NCEH1: variants seen among roughly 807,000 people sequenced by gnomAD.
NCEH1 encodes the protein 2-acetyl MAGE hydrolase.
In NCEH1, 9 loss-of-function variants were observed where a neutral mutation model predicts 25.4. The ratio of observed to expected loss-of-function variants is 0.35; its 90% CI spans 0.21 to 0.62. The LOEUF (loss-of-function observed/expected upper bound fraction) is 0.62, where lower values mean the gene tolerates loss of function less well. NCEH1 is among the 20% of genes least tolerant of loss of function. The pLI, the probability that NCEH1 is intolerant of heterozygous loss-of-function variation, is 0.72. For synonymous variants in NCEH1, 200 were observed against 199.8 expected (o/e 1.00, Z -0.01); for missense variants, 412 against 501.1 (o/e 0.82, Z 1.70).
chr3:172,649,054 T>C (rs1260912923), intron 1 of NCEH1, among the ~76,000 whole-genome samples: 1 of 152,140 alleles, frequency 6.6e-6, no homozygotes, highest in East Asian at 1.9e-4. Flanking sequence ...AAATCAGGAC[T>C]ATATGATGTC....
rs114899822 is a variant in NCEH1, at chr3:172,672,066, G to A, written c.139-23952C>T. ...CAAATTCTACTCCTGCAAGCTCCAC[G>A]GTAAGTGCCTTACACAGGGGTAGCA... On this transcript the variant is annotated intron_variant, in intron 1 of 4. Coordinates refer to ENST00000475381, the MANE Select transcript of NCEH1 (RefSeq NM_020792.6). Among the ~76,000 whole-genome samples the A allele has an allele frequency of 3.6e-3, 541 of 152,176 alleles. 4 individuals are homozygous for A. The highest frequency in any genetic ancestry group is 0.013 in the African/African-American group (523 of 41,506).
chr3:172,684,534 G>C (rs1004484405), intron 1 of NCEH1, among the ~76,000 whole-genome samples: 2 of 152,072 alleles, frequency 1.3e-5, no homozygotes, highest in African/African-American at 2.4e-5. Flanking sequence ...CAATTCCTCA[G>C]GACAGTTAAT....
intron 1 of NCEH1, among the ~76,000 whole-genome samples, chr3:172,683,284 T>C (rs528620490): frequency 8.7e-6 from 1 of 115,212 alleles, no homozygotes; most frequent in African/African-American, 3.6e-5. Flanking sequence ...GCGCCTGTAG[T>C]CCCAGCTACT....
chr3:172,640,624 C>T (rs1229828096), intron 3 of NCEH1, among the ~76,000 whole-genome samples: 1 of 152,190 alleles, frequency 6.6e-6, no homozygotes, highest in Non-Finnish European at 1.5e-5. Context: ...TCTCCTGCCT[C>T]AGCCTCCAGA....
intron 1 of NCEH1, among the ~76,000 whole-genome samples, chr3:172,693,489 A>G (rs902428596): frequency 7.2e-5 from 11 of 151,884 alleles, no homozygotes; most frequent in African/African-American, 2.7e-4. Flanking sequence ...GGGGGTGGTT[A>G]GAGTTGGGGA....
chr3:172,667,780 C>G (rs974035646), intron 1 of NCEH1, among the ~76,000 whole-genome samples: 4 of 152,160 alleles, frequency 2.6e-5, no homozygotes, highest in Admixed American at 2.0e-4. Flanking sequence ...ACTTCCTTAA[C>G]CTAAGGACTT....
At chr3:172,674,603 T>G (rs1386460543) in intron 1 of NCEH1, among the ~76,000 whole-genome samples, 1 of 152,154 alleles carries the variant, frequency 6.6e-6, no homozygotes, top group Non-Finnish European at 1.5e-5. Flanking sequence ...AAATTTTAAT[T>G]ATACATGGGA....
At position 172,647,898 on chromosome 3, in the gene NCEH1, A is replaced by C. The variant is rs753795980; in HGVS notation, c.355T>G (p.Leu119Val). 1 of 1,614,190 alleles carries C rather than the reference A, an allele frequency of 6.2e-7. No individual in the cohort carries two copies. The highest frequency in any genetic ancestry group is 8.5e-7 in the Non-Finnish European group (1 of 1,180,030). Residue 119 changes from leucine to valine, a missense_variant, in exon 2 of 5, where the codon TTG (leucine) becomes GTG (valine). Physicochemically the swap from Leu to Val is conservative, Grantham distance 32 (BLOSUM62 1). Coordinates refer to ENST00000475381, the MANE Select transcript of NCEH1 (RefSeq NM_020792.6). ...VVYIHGGGWALASAKIRYYDE... is the reference protein window; with the variant it reads ...VVYIHGGGWAVASAKIRYYDE... ...GACCAGGACGCACTTGCACTTGCCAAGGCCCAGCCTCCTCCGTGGATATAA... is the reference window on the plus strand; with the variant it reads ...GACCAGGACGCACTTGCACTTGCCACGGCCCAGCCTCCTCCGTGGATATAA...
At chr3:172,647,633 GACAA>G (rs1032193383) in intron 2 of NCEH1, among the ~76,000 whole-genome samples, 4 of 152,110 alleles carry the variant, frequency 2.6e-5, no homozygotes, top group Non-Finnish European at 4.4e-5. Flanking sequence ...TACCTGAATT[GACAA>G]ACAAACTAAC....
chr3:172,659,704 T>C (rs1412630720), intron 1 of NCEH1, among the ~76,000 whole-genome samples: 2 of 152,204 alleles, frequency 1.3e-5, no homozygotes, highest in Admixed American at 6.5e-5. Flanking sequence ...AATTAACATA[T>C]AGCTTCACAT....
chr3:172,658,972 G>A (rs951898742), intron 1 of NCEH1, among the ~76,000 whole-genome samples: 3 of 149,436 alleles, frequency 2.0e-5, no homozygotes, highest in Non-Finnish European at 4.4e-5. Context: ...AGTAGCTCAC[G>A]TGTGCTGACG....
chr3:172,663,777 T>C (rs1360203640), intron 1 of NCEH1, among the ~76,000 whole-genome samples: 2 of 152,218 alleles, frequency 1.3e-5, no homozygotes, highest in African/African-American at 4.8e-5. Context: ...GAGACTAGGA[T>C]TGCAACCCCT....
rs568238489 is a variant in NCEH1 at position 172,644,065 on chromosome 3, C to G, written c.437+1558G>C. On this transcript the variant is annotated intron_variant, in intron 3 of 4. Coordinates refer to ENST00000475381, the MANE Select transcript of NCEH1 (RefSeq NM_020792.6). ...GCTTCCTCAGCAGATTTGGCTCCAG[C>G]TGTCTGGACTCTAGGGCTTTTGGGT... is the stretch of plus-strand genomic sequence containing the variant. 5.4e-4 allele frequency among the ~76,000 whole-genome samples: 82 copies of G among 152,240 alleles called. 1 individual carries two copies. Among genetic ancestry groups the G allele is most frequent in the Middle Eastern group, 6.8e-3 (2 of 294 alleles).
At chr3:172,660,287 C>G (rs1217086299) in intron 1 of NCEH1, among the ~76,000 whole-genome samples, 1 of 152,100 alleles carries the variant, frequency 6.6e-6, no homozygotes, top group Non-Finnish European at 1.5e-5. Flanking sequence ...CATCCATGTC[C>G]CTACAAAGGA....
At chr3:172,642,256 CT>C (rs1716887080) in intron 3 of NCEH1, among the ~76,000 whole-genome samples, 1 of 152,050 alleles carries the variant, frequency 6.6e-6, no homozygotes, top group Admixed American at 6.6e-5. Flanking sequence ...TCACTGCAGC[CT>C]TGATCTCCTA....
chr3:172,642,960 C>T lies in NCEH1; in HGVS notation c.437+2663G>A, dbSNP rs533765388. ...TTGTTTGTTTGTTTGTTTTTTGAGA[C>T]AGAGTTTCGCTTTTGTTGCCCAGGC... On this transcript the variant is annotated intron_variant, in intron 3 of 4. Coordinates refer to ENST00000475381, the MANE Select transcript of NCEH1 (RefSeq NM_020792.6). Among the ~76,000 whole-genome samples, 7 of 152,178 alleles carry T rather than the reference C, an allele frequency of 4.6e-5. No individual in the cohort carries two copies. The South Asian group carries it at 1.5e-3, about 32-fold the overall frequency.
At position 172,633,779 on chromosome 3, in the gene NCEH1, C is replaced by T. The variant is rs746415344; in HGVS notation, c.923G>A (p.Gly308Asp). Reference protein sequence around the residue: ...KNYKPVVQTTGNARIVQELPQ... With the variant: ...KNYKPVVQTTDNARIVQELPQ... ...AAGCTCCTGGACAATCCTGGCATTG[C>T]CTGTGGTCTGTACAACAGGCTTGTA... Residue 308 changes from glycine (G) to aspartate (D), a missense_variant, in exon 5 of 5, where the codon GGC becomes GAC. Transcript: ENST00000475381. 8.7e-6 allele frequency: 14 copies of T among 1,614,196 alleles called. No homozygotes were observed. Among genetic ancestry groups the T allele is most frequent in the Non-Finnish European group, 1.2e-5 (14 of 1,180,040 alleles).
chr3:172,664,751 GCTA>G (rs1718126394), intron 1 of NCEH1, among the ~76,000 whole-genome samples: 1 of 152,072 alleles, frequency 6.6e-6, no homozygotes, highest in Non-Finnish European at 1.5e-5. Flanking sequence ...GATCGAATCG[GCTA>G]CTGAAGCTTG....
At chr3:172,679,567 A>C (rs1238802844) in intron 1 of NCEH1, among the ~76,000 whole-genome samples, 1 of 151,844 alleles carries the variant, frequency 6.6e-6, no homozygotes, top group African/African-American at 2.4e-5. Context: ...CCAGACACCT[A>C]AACACGTACA....
Sources: gnomAD v4.1 joint callset for allele counts (sites outside exome capture counted in the v4.1 genomes callset) on GRCh38, gnomAD v4.1.1 for gene constraint, MANE v1.5 for transcripts, NCBI Gene and HGNC (gene_info 2026-07-23, HGNC 2026-07-21) for gene names.